The following KIAA1217 variants were observed in gnomAD, a reference collection of about 807,000 sequenced individuals.
KIAA1217 encodes the protein KIAA1217, also known as sickle tail protein homolog.
Under a neutral mutation model 163.9 loss-of-function variants are expected in KIAA1217, and 88 were observed. That is an observed-to-expected ratio of 0.54 (90% confidence interval 0.45 to 0.64). The LOEUF is 0.64. Among genes scored for constraint, KIAA1217 ranks in the 30% least tolerant of loss-of-function variants. KIAA1217 has a pLI of 0.00. For missense variants in KIAA1217, 2,372 were observed against 2,475.0 expected (o/e 0.96, Z 0.88); for synonymous variants, 903 against 923.1 (o/e 0.98, Z 0.39).
Position 24,433,187 on chromosome 10 carries a change from A to C in KIAA1217, c.746A>C (p.Asp249Ala). The change falls in exon 4 of 21, where the codon GAT (aspartate) becomes GCT (alanine). Residue 249 changes from aspartate (D) to alanine (A), a missense_variant. This residue lies in a region of KIAA1217 where 1,431 missense variants were observed against 1,470.3 expected (regional missense o/e 0.97). Coordinates refer to ENST00000376454, the MANE Select transcript of KIAA1217 (RefSeq NM_019590.5). ...ESRNVYYELNDVRNIQDRSLL... is the reference protein window; with the variant it reads ...ESRNVYYELNAVRNIQDRSLL... Reference sequence around the variant, plus strand: ...AGAAATGTCTATTATGAATTAAATGATGTAAGGTAAGTTGTGACATCATTT... The same window carrying C: ...AGAAATGTCTATTATGAATTAAATGCTGTAAGGTAAGTTGTGACATCATTT... 2 of 1,611,506 alleles carry C rather than the reference A, an allele frequency of 1.2e-6. No homozygotes were observed. The highest frequency in any genetic ancestry group is 2.2e-5 in the South Asian group (2 of 91,044).
intron 1 of KIAA1217, among the ~76,000 whole-genome samples, chr10:23,997,400 C>A (rs1006617034): frequency 2.0e-5 from 3 of 152,236 alleles, no homozygotes; most frequent in African/African-American, 7.2e-5. Context: ...CTTCGCTAAT[C>A]ATTTTTCCTA....
At chr10:24,430,434 T>C (rs2059512246) in intron 3 of KIAA1217, among the ~76,000 whole-genome samples, 1 of 152,192 alleles carries the variant, frequency 6.6e-6, no homozygotes, top group Non-Finnish European at 1.5e-5. Flanking sequence ...AGGACCGGTT[T>C]TGTGGAAGAC....
rs540895035 is a variant in KIAA1217 at position 23,719,243 on chromosome 10, C to T, written c.-321+24009C>T. Among the ~76,000 whole-genome samples, 6 of 152,260 alleles carry T rather than the reference C, an allele frequency of 3.9e-5. No homozygotes were observed. The South Asian group carries it at 1.2e-3, about 32-fold the overall frequency. On this transcript the variant is annotated intron_variant, in intron 1 of 18. Transcript: ENST00000376462. ...CAGCCATAGAAATGAAGCACTGATA[C>T]ATGCTACAGTATGATGAAGCCCCAA...
chr10:23,920,294 T>C (rs1055643370), intron 1 of KIAA1217, among the ~76,000 whole-genome samples: 5 of 152,220 alleles, frequency 3.3e-5, no homozygotes, highest in African/African-American at 1.2e-4. Flanking sequence ...GCTTCAGAGG[T>C]AGACATCGGA....
chr10:23,717,283 G>C (rs1279349746), intron 1 of KIAA1217, among the ~76,000 whole-genome samples: 1 of 149,660 alleles, frequency 6.7e-6, no homozygotes, highest in Non-Finnish European at 1.5e-5. Context: ...TTTTTTTTTT[G>C]CTCTGAATTA....
intron 2 of KIAA1217, among the ~76,000 whole-genome samples, chr10:24,111,372 T>A (rs1238843668): frequency 2.6e-5 from 4 of 152,210 alleles, no homozygotes; most frequent in Non-Finnish European, 5.9e-5. Context: ...TTTTGTCTAG[T>A]TGAATAACGC....
chr10:23,904,050 GC>G (rs942178706), intron 1 of KIAA1217, among the ~76,000 whole-genome samples: 1 of 152,040 alleles, frequency 6.6e-6, no homozygotes, highest in African/African-American at 2.4e-5. Context: ...TCTATCCCTG[GC>G]AAACAGTAAC....
intron 1 of KIAA1217, among the ~76,000 whole-genome samples, chr10:23,937,362 C>T (rs183134896): frequency 1.3e-5 from 2 of 152,272 alleles, no homozygotes; most frequent in East Asian, 3.9e-4. Flanking sequence ...CTTGGTGGCA[C>T]ACTGACCACC....
At chr10:23,932,994 C>T (rs1054998292) in intron 1 of KIAA1217, among the ~76,000 whole-genome samples, 2 of 152,124 alleles carry the variant, frequency 1.3e-5, no homozygotes, top group African/African-American at 2.4e-5. Flanking sequence ...CTGGTATGAA[C>T]GATTGGTTGA....
intron 2 of KIAA1217, among the ~76,000 whole-genome samples, chr10:24,199,356 G>A (rs1423737966): frequency 6.6e-6 from 1 of 152,170 alleles, no homozygotes; most frequent in Non-Finnish European, 1.5e-5. Context: ...ATATAGATGA[G>A]AGGAAGCTTA....
chr10:23,742,961 T>G (rs1164043737), intron 1 of KIAA1217, among the ~76,000 whole-genome samples: 1 of 152,174 alleles, frequency 6.6e-6, no homozygotes, highest in Non-Finnish European at 1.5e-5. Context: ...TGCCAACTGC[T>G]AGAGGAGAGC....
chr10:24,097,032 T>C lies in KIAA1217; in HGVS notation c.-171+89658T>C, dbSNP rs1389053253. On this transcript the variant is annotated intron_variant, in intron 2 of 18. Transcript: ENST00000376462. The stretch of plus-strand genomic sequence containing the variant: ...ATTGTATATAGGTAACGGTGGGCCA[T>C]TGAAGGCATTCGTGCATGGAAAGAC... Among the ~76,000 whole-genome samples, 3 of 152,150 alleles carry C rather than the reference T, an allele frequency of 2.0e-5. No homozygotes were observed. In the East Asian group the frequency reaches 5.8e-4, roughly 29 times the overall value.
At chr10:23,999,190 G>T (rs991222697) in intron 1 of KIAA1217, among the ~76,000 whole-genome samples, 2 of 152,172 alleles carry the variant, frequency 1.3e-5, no homozygotes, top group South Asian at 2.1e-4. Context: ...TGTTGCTGTT[G>T]GTTGCTTTGT....
At chr10:24,365,892 A>G (rs2050716816) in intron 2 of KIAA1217, among the ~76,000 whole-genome samples, 1 of 152,194 alleles carries the variant, frequency 6.6e-6, no homozygotes, top group African/African-American at 2.4e-5. Context: ...ACACACATAT[A>G]TATAATCTAT....
At chr10:24,139,829 C>T (rs1005538353) in intron 2 of KIAA1217, among the ~76,000 whole-genome samples, 1 of 152,114 alleles carries the variant, frequency 6.6e-6, no homozygotes, top group African/African-American at 2.4e-5. Context: ...CCTATATATA[C>T]TATGTTTTTT....
At chr10:23,928,039 T>C (rs1365690043) in intron 1 of KIAA1217, among the ~76,000 whole-genome samples, 2 of 152,230 alleles carry the variant, frequency 1.3e-5, no homozygotes. Flanking sequence ...GGGTACTTGA[T>C]ATCTGTTAAA....
At chr10:24,006,743 C>G (rs997436481) in intron 1 of KIAA1217, among the ~76,000 whole-genome samples, 1 of 152,164 alleles carries the variant, frequency 6.6e-6, no homozygotes, top group African/African-American at 2.4e-5. Flanking sequence ...ATGACCATGT[C>G]TTGTTTGGCA....
intron 2 of KIAA1217, among the ~76,000 whole-genome samples, chr10:24,324,804 G>A (rs1372110660): frequency 6.6e-6 from 1 of 152,134 alleles, no homozygotes; most frequent in Non-Finnish European, 1.5e-5. Context: ...GTCTTGTCAA[G>A]TCTTGCAAAC....
chr10:23,853,353 AG>A (rs1183112903), intron 1 of KIAA1217, among the ~76,000 whole-genome samples: 1 of 152,188 alleles, frequency 6.6e-6, no homozygotes, highest in African/African-American at 2.4e-5. Context: ...CTTGCATCCC[AG>A]GGATGAAGCC....
Sources: gnomAD v4.1 joint callset for allele counts (sites outside exome capture counted in the v4.1 genomes callset) on GRCh38, gnomAD v4.1.1 for gene constraint, gnomAD v4.1.1 regional missense constraint, MANE v1.5 for transcripts, NCBI Gene and HGNC (gene_info 2026-07-23, HGNC 2026-07-21) for gene names.